The following TBX15 variants were observed in gnomAD, a reference collection of about 807,000 sequenced individuals.
TBX15 encodes the protein T-box transcription factor TBX15.
Under a neutral mutation model 53.9 loss-of-function variants are expected in TBX15, and 18 were observed. The ratio of observed to expected loss-of-function variants is 0.33; its 90% CI spans 0.23 to 0.49. The LOEUF is 0.49. Ranked by LOEUF, TBX15 falls within the 20% of genes least tolerant of loss-of-function variation. The probability of loss-of-function intolerance (pLI) is 0.98; values close to 1 mark genes in which losing one functional copy is unlikely to be tolerated. For missense variants in TBX15, 692 were observed against 749.5 expected (o/e 0.92, Z 0.90); for synonymous variants, 295 against 278.0 (o/e 1.06, Z -0.61).
intron 7 of TBX15, among the ~76,000 whole-genome samples, chr1:118,888,178 C>T (rs1654015667): frequency 6.6e-6 from 1 of 152,126 alleles, no homozygotes; most frequent in Admixed American, 6.5e-5. Flanking sequence ...GGAAAGAGCC[C>T]TGAGCCTGAT....
At position 118,953,059 on chromosome 1, in the gene TBX15, G is replaced by GT. The variant is rs1358019969; in HGVS notation, c.206-21228dup. Among the ~76,000 whole-genome samples, 3 of 147,656 alleles carry GT rather than the reference G, an allele frequency of 2.0e-5. No homozygotes were observed. The East Asian group carries it at 6.3e-4, about 31-fold the overall frequency. ...AAACCCAATACTGACATTTTTCCAT[G>GT]TTGCCAAGGAATAGTTTCTGAAAAA... On this transcript the variant is annotated intron_variant, in intron 1 of 7. Coordinates refer to ENST00000369429, the MANE Select transcript of TBX15 (RefSeq NM_001330677.2).
At chr1:118,984,724 C>T (rs1458098947) in intron 1 of TBX15, among the ~76,000 whole-genome samples, 1 of 152,208 alleles carries the variant, frequency 6.6e-6, no homozygotes, top group Non-Finnish European at 1.5e-5. Context: ...ACAGACCCTT[C>T]TCCAAAGTCT....
intron 6 of TBX15, among the ~76,000 whole-genome samples, chr1:118,906,285 T>C (rs4300262): frequency 0.29 from 43,538 of 152,080 alleles, 6,772 homozygotes; most frequent in Non-Finnish European, 0.34. Context: ...AGTTACTTGG[T>C]TATAATAGAG....
chr1:118,968,600 A>G lies in TBX15; in HGVS notation c.205+18991T>C, dbSNP rs115844727. Reference sequence around the variant, plus strand: ...ACACATACACATATATATTGCGAATATATGCATATTGCATTTGTGAGTAAA... The same window carrying G: ...ACACATACACATATATATTGCGAATGTATGCATATTGCATTTGTGAGTAAA... On this transcript the variant is annotated intron_variant, in intron 1 of 7. Transcript: ENST00000369429. Among the ~76,000 whole-genome samples the G allele has an allele frequency of 3.8e-3, 573 of 152,328 alleles. 2 individuals are homozygous for G. Among genetic ancestry groups the G allele is most frequent in the African/African-American group, 0.013 (545 of 41,564 alleles).
At chr1:118,980,488 T>A (rs963151854) in intron 1 of TBX15, among the ~76,000 whole-genome samples, 4 of 152,236 alleles carry the variant, frequency 2.6e-5, no homozygotes, top group South Asian at 4.1e-4. Flanking sequence ...GTCAGCTCAT[T>A]TGAGCCTTGG....
chr1:118,930,845 C>T (rs1189874586), intron 2 of TBX15, among the ~76,000 whole-genome samples: 1 of 152,220 alleles, frequency 6.6e-6, no homozygotes, highest in Non-Finnish European at 1.5e-5. Flanking sequence ...CTGGAGCTGC[C>T]TCTTAGTACC....
At chr1:118,919,234 G>C (rs138977732) in intron 5 of TBX15, among the ~76,000 whole-genome samples, 4 of 152,202 alleles carry the variant, frequency 2.6e-5, no homozygotes, top group African/African-American at 9.6e-5. Flanking sequence ...TTTTCCCCCA[G>C]AGAAGACAAA....
intron 6 of TBX15, among the ~76,000 whole-genome samples, chr1:118,900,616 T>C (rs1654596240): frequency 6.6e-6 from 1 of 152,174 alleles, no homozygotes. Flanking sequence ...AAGAGAGTGT[T>C]ACATGGTGTT....
At chr1:118,955,904 T>C (rs1019601029) in intron 1 of TBX15, among the ~76,000 whole-genome samples, 3 of 152,228 alleles carry the variant, frequency 2.0e-5, no homozygotes, top group African/African-American at 4.8e-5. Context: ...GCACAGAGTT[T>C]ATCCTAGGTC....
rs1281691659 is a variant in TBX15 at position 118,884,979 on chromosome 1, T to A, written c.1562A>T (p.Asn521Ile). 8 of 1,613,890 alleles carry A rather than the reference T, an allele frequency of 5.0e-6. No individual in the cohort carries two copies. Among genetic ancestry groups the A allele is most frequent in the Non-Finnish European group, 6.8e-6 (8 of 1,180,020 alleles). ...AGCTAGCCTAGGGGAAGTGGGGAAA[T>A]TGTATCCATACAGGTTGTAAGGGTT... Reference protein sequence around the residue: ...LHNPYNLYGYNFPTSPRLAAS... With the variant: ...LHNPYNLYGYIFPTSPRLAAS... Residue 521 changes from asparagine to isoleucine, a missense_variant, in exon 8 of 8, where the codon AAT (asparagine) becomes ATT (isoleucine). By Grantham distance (149) the Asn-to-Ile change is moderately radical. Around this residue, in one of 3 missense-constraint regions of TBX15, gnomAD observed 375 missense variants for 371.6 expected, o/e 1.01. Coordinates refer to ENST00000369429, the MANE Select transcript of TBX15 (RefSeq NM_001330677.2).
At chr1:118,922,394 G>A (rs986976277) in intron 5 of TBX15, among the ~76,000 whole-genome samples, 1 of 152,166 alleles carries the variant, frequency 6.6e-6, no homozygotes, top group African/African-American at 2.4e-5. Context: ...TTTCATGCCT[G>A]TTCAGACCCA....
chr1:118,927,488 A>G (rs1655637657), intron 2 of TBX15, among the ~76,000 whole-genome samples: 2 of 152,222 alleles, frequency 1.3e-5, no homozygotes, highest in Non-Finnish European at 2.9e-5. Context: ...CAGTCTCCAA[A>G]CAAAGAGCCA....
At chr1:118,904,668 GTCCATAAAGAGTTTTCATTGAC>G (rs1654752153) in intron 6 of TBX15, among the ~76,000 whole-genome samples, 1 of 152,174 alleles carries the variant, frequency 6.6e-6, no homozygotes, top group Admixed American at 6.5e-5. Context: ...AGTAATGGCA[GTCCATAAAGAGTTTTCATTGAC>G]TCAATAAGTG....
At position 118,987,955 on chromosome 1, in the gene TBX15, GTCC is replaced by G. The variant is rs1425535245; in HGVS notation, c.-163_-161del. 1 of 846,610 alleles carries G rather than the reference GTCC, an allele frequency of 1.2e-6. No individual in the cohort carries two copies. The highest frequency in any genetic ancestry group is 1.7e-5 in the African/African-American group (1 of 58,496). The allele number at this position is 846,610 out of a possible 1,614,324, so 52.4% of individuals were successfully genotyped here. A position where few individuals can be genotyped will look rare whatever the true frequency, so the allele number is the denominator to read the frequency against. ...GCGGGTCTCTCCACCCTCCCCCTGC[GTCC>G]TCCTCCGCCCTCCTCTGCCGGATCC... On this transcript the variant is annotated 5_prime_UTR_variant, in exon 1 of 8. Coordinates refer to ENST00000369429, the MANE Select transcript of TBX15 (RefSeq NM_001330677.2).
intron 1 of TBX15, among the ~76,000 whole-genome samples, chr1:118,934,765 C>T (rs923728262): frequency 5.3e-5 from 8 of 152,188 alleles, no homozygotes; most frequent in African/African-American, 1.9e-4. Flanking sequence ...CTAGAACACT[C>T]CTGGGGAACC....
In TBX15 at chr1:118,987,582, C is replaced by T. The variant is rs955480024; in HGVS notation, c.205+9G>A. On this transcript the variant is annotated intron_variant, in intron 1 of 7. Transcript: ENST00000369429. Reference sequence around the variant, plus strand: ...GCCCGCCTCCCGCGGTCGGCTGCGACGCACTCACCCGGGTGAGGCTCCAGG... The same window carrying T: ...GCCCGCCTCCCGCGGTCGGCTGCGATGCACTCACCCGGGTGAGGCTCCAGG... 32 of 1,542,574 alleles carry T rather than the reference C, an allele frequency of 2.1e-5. No individual in the cohort carries two copies. The highest frequency in any genetic ancestry group is 2.8e-5 in the Non-Finnish European group (32 of 1,144,690).
chr1:118,986,014 G>A (rs1657819937), intron 1 of TBX15, among the ~76,000 whole-genome samples: 1 of 152,226 alleles, frequency 6.6e-6, no homozygotes, highest in Admixed American at 6.5e-5. Context: ...CGGGCTCCGT[G>A]CGATCTGGGG....
chr1:118,890,983 G>C, intron 7 of TBX15: 2 of 1,294,836 alleles, frequency 1.5e-6, no homozygotes, highest in Non-Finnish European at 2.0e-6. Flanking sequence ...ACAGGTAAAA[G>C]GTAAAATATC....
chr1:118,910,528 C>T (rs1312246559), intron 6 of TBX15, among the ~76,000 whole-genome samples: 2 of 152,130 alleles, frequency 1.3e-5, no homozygotes, highest in Admixed American at 1.3e-4. Flanking sequence ...AGAAGATTTG[C>T]AAATAATTCT....
Sources: allele counts gnomAD v4.1 joint callset (sites outside exome capture counted in the v4.1 genomes callset), GRCh38; gene constraint gnomAD v4.1.1; regional missense constraint gnomAD v4.1.1; transcripts MANE v1.5; gene names NCBI Gene and HGNC (gene_info 2026-07-23, HGNC 2026-07-21).